Variants in GPRC5B observed in about 807,000 individuals in gnomAD.
GPRC5B encodes G protein-coupled receptor family C group 5 member B.
In GPRC5B, 16 loss-of-function variants were observed where a neutral mutation model predicts 30.1. The ratio of observed to expected loss-of-function variants is 0.53; its 90% CI spans 0.36 to 0.81. The LOEUF (loss-of-function observed/expected upper bound fraction) is 0.81. GPRC5B is among the 30% of genes least tolerant of loss of function. GPRC5B has a pLI of 0.01. For missense variants in GPRC5B, 428 were observed against 544.7 expected, an observed-to-expected ratio of 0.79 and a Z score of 2.13; for synonymous variants, 241 against 239.5, an observed-to-expected ratio of 1.01 and a Z score of -0.06.
chr16:19,872,307 C>A lies in GPRC5B; in HGVS notation c.539G>T (p.Trp180Leu). 6.2e-7 allele frequency: 1 copy of A among 1,614,082 alleles called. No homozygotes were observed. Among genetic ancestry groups the A allele is most frequent in the Non-Finnish European group, 8.5e-7 (1 of 1,180,034 alleles). Residue 180 changes from tryptophan to leucine, a missense_variant, in exon 2 of 4, where the codon TGG becomes TTG. Transcript: ENST00000300571. The surrounding 1 kb of genome is among the most constrained non-coding windows in gnomAD (Gnocchi z 5.0). ...GTCACGCAGCACGGTGAGCACCAGC[C>A]ACTCCACAGCGATGATGACTTGCAC... The part of the protein sequence containing the change: ...MLVQVIIAVE[W>L]LVLTVLRDTR...
intron 1 of GPRC5B, among the ~76,000 whole-genome samples, chr16:19,876,853 A>G (rs2056763346): frequency 6.6e-6 from 1 of 152,190 alleles, no homozygotes; most frequent in Non-Finnish European, 1.5e-5. Flanking sequence ...TGGAAAGAGC[A>G]CCTGATTTTC....
intron 2 of GPRC5B, among the ~76,000 whole-genome samples, chr16:19,868,104 G>A (rs892066923): frequency 6.6e-6 from 1 of 151,876 alleles, no homozygotes; most frequent in Non-Finnish European, 1.5e-5. Context: ...GCTGGGTGCG[G>A]TGGCTCATGC....
rs779281037 is a variant in GPRC5B at position 19,871,798 on chromosome 16, G to A, written c.1030+18C>T. On this transcript the variant is annotated intron_variant, in intron 2 of 3. Transcript: ENST00000300571. The stretch of plus-strand genomic sequence containing the variant: ...AATGGTCCCCCGGCCTGACCCAGCC[G>A]GGTGGTGCCCACTTTACCTGCATTG... 18 of 1,605,272 alleles carry A rather than the reference G, an allele frequency of 1.1e-5. No homozygotes were observed. The highest frequency in any genetic ancestry group is 5.3e-5 in the African/African-American group (4 of 74,794).
intron 2 of GPRC5B, among the ~76,000 whole-genome samples, chr16:19,868,184 G>A (rs1312808431): frequency 6.6e-6 from 1 of 152,088 alleles, no homozygotes; most frequent in Non-Finnish European, 1.5e-5. Context: ...AGACCAGCCT[G>A]ACCAACATGG....
In GPRC5B at chr16:19,857,220, G is replaced by C. The variant is rs2056573024; in HGVS notation, c.*3280C>G. 3.6e-6 allele frequency: 1 copy of C among 275,932 alleles called. No homozygotes were observed. Among genetic ancestry groups the C allele is most frequent in the Non-Finnish European group, 6.9e-6 (1 of 144,102 alleles). The allele number at this position is 275,932 out of a possible 1,614,324, so 17.1% of individuals were successfully genotyped here. ...AGATTCTCCCATTTAAAATGCCACA[G>C]ACCGACCCTCAAGGCAGATCCGAAA... On this transcript the variant is annotated 3_prime_UTR_variant, in exon 4 of 4. Transcript: ENST00000300571.
intron 2 of GPRC5B, among the ~76,000 whole-genome samples, chr16:19,865,061 T>C (rs1302962072): frequency 1.3e-5 from 2 of 151,640 alleles, no homozygotes; most frequent in Admixed American, 6.6e-5. Context: ...CACGCCACCA[T>C]GCCTGGCTTA....
Position 19,860,401 on chromosome 16 carries a change from C to G in GPRC5B, c.*99G>C. The stretch of plus-strand genomic sequence containing the variant: ...TCCAAATTTCCTGGCTGTGAGGCGG[C>G]CTGGTTCGGCAACTGTTACCGATTT... On this transcript the variant is annotated 3_prime_UTR_variant, in exon 4 of 4. Transcript: ENST00000300571. 2 of 750,604 alleles carry G rather than the reference C, an allele frequency of 2.7e-6. No individual in the cohort carries two copies. Among genetic ancestry groups the G allele is most frequent in the Non-Finnish European group, 4.7e-6 (2 of 428,582 alleles). The allele number at this position is 750,604 out of a possible 1,614,324, so 46.5% of individuals were successfully genotyped here.
At chr16:19,879,736 G>T (rs1434422782) in intron 1 of GPRC5B, among the ~76,000 whole-genome samples, 2 of 152,162 alleles carry the variant, frequency 1.3e-5, no homozygotes, top group Non-Finnish European at 2.9e-5. Context: ...GCAAAACAAA[G>T]GTGCTAACAG....
At chr16:19,866,507 T>C (rs1199597687) in intron 2 of GPRC5B, among the ~76,000 whole-genome samples, 1 of 152,076 alleles carries the variant, frequency 6.6e-6, no homozygotes, top group East Asian at 1.9e-4. Flanking sequence ...ACTACAGGCA[T>C]GCACCACCAT....
At chr16:19,865,666 G>A (rs1032968484) in intron 2 of GPRC5B, among the ~76,000 whole-genome samples, 23 of 152,176 alleles carry the variant, frequency 1.5e-4, no homozygotes, top group African/African-American at 4.8e-4. Flanking sequence ...AAAGCCTGAA[G>A]ATGAATGCAT....
At position 19,872,998 on chromosome 16, in the gene GPRC5B, T is replaced by C. The variant is rs1359398406; in HGVS notation, c.-1-152A>G. ...GCACACATAGGAAAACGTGCTCCTT[T>C]CCTCAGGCACGGAGGTTTTGGGACC... On this transcript the variant is annotated intron_variant, in intron 1 of 3. Transcript: ENST00000300571. This position sits in a 1 kb window ranked among gnomAD's most constrained non-coding sequence, Gnocchi z 5.0. Among the ~76,000 whole-genome samples the C allele has an allele frequency of 6.6e-6, 1 of 152,132 alleles. No individual in the cohort carries two copies. Among genetic ancestry groups the C allele is most frequent in the East Asian group, 1.9e-4 (1 of 5,186 alleles).
chr16:19,863,701 C>A (rs1020583536), intron 2 of GPRC5B, among the ~76,000 whole-genome samples: 2 of 151,904 alleles, frequency 1.3e-5, no homozygotes, highest in East Asian at 3.9e-4. Flanking sequence ...CAGGGTTTCA[C>A]CATGTTGGCC....
intron 2 of GPRC5B, among the ~76,000 whole-genome samples, chr16:19,867,041 C>G (rs905480773): frequency 1.3e-5 from 2 of 152,220 alleles, no homozygotes; most frequent in Non-Finnish European, 2.9e-5. Context: ...AACTTTTTCC[C>G]TTCCTGCTCT....
At position 19,857,217 on chromosome 16, in the gene GPRC5B, A is replaced by G. The variant is rs768322771; in HGVS notation, c.*3283T>C. The G allele has an allele frequency of 3.7e-6, 1 of 272,128 alleles. No homozygotes were observed. The highest frequency in any genetic ancestry group is 3.6e-5 in the South Asian group (1 of 27,826). 16.9% of individuals were successfully genotyped at this position (272,128 alleles called of 1,614,324 possible). A position where few individuals can be genotyped will look rare whatever the true frequency, so the allele number is the denominator to read the frequency against. The stretch of plus-strand genomic sequence containing the variant: ...CCAAGATTCTCCCATTTAAAATGCC[A>G]CAGACCGACCCTCAAGGCAGATCCG... On this transcript the variant is annotated 3_prime_UTR_variant, in exon 4 of 4. Coordinates refer to ENST00000300571, the MANE Select transcript of GPRC5B (RefSeq NM_016235.3).
At chr16:19,871,095 G>A (rs2056713652) in intron 2 of GPRC5B, among the ~76,000 whole-genome samples, 2 of 151,502 alleles carry the variant, frequency 1.3e-5, no homozygotes. Flanking sequence ...ACCTGCCTGG[G>A]CCACATAATG....
chr16:19,878,228 A>AAACAAAC (rs1567211735), intron 1 of GPRC5B, among the ~76,000 whole-genome samples: 3,128 of 131,470 alleles, frequency 0.024, 66 homozygotes, highest in Non-Finnish European at 0.031. Context: ...AACAAACAAA[A>AAACAAAC]AAACCCAAAG....
chr16:19,867,898 A>C (rs1175450249), intron 2 of GPRC5B, among the ~76,000 whole-genome samples: 1 of 151,870 alleles, frequency 6.6e-6, no homozygotes, highest in Non-Finnish European at 1.5e-5. Flanking sequence ...AAAAATACAA[A>C]AATTAGCCGG....
intron 1 of GPRC5B, among the ~76,000 whole-genome samples, chr16:19,882,986 G>A (rs78836033): frequency 0.016 from 2,485 of 152,138 alleles, 32 homozygotes; most frequent in Middle Eastern, 0.024. Context: ...TGTCACTCCC[G>A]GAACAGTCAT....
At chr16:19,862,286 C>T in intron 2 of GPRC5B, 1 of 334,810 alleles carries the variant, frequency 3.0e-6, no homozygotes, top group Non-Finnish European at 5.6e-6. Flanking sequence ...CAGGCGCCTT[C>T]TCACTACAGA....
Sources: gnomAD v4.1 joint callset for allele counts (sites outside exome capture counted in the v4.1 genomes callset) on GRCh38, gnomAD v4.1.1 for gene constraint, Gnocchi (gnomAD v3.1) non-coding constraint, MANE v1.5 for transcripts, NCBI Gene and HGNC (gene_info 2026-07-23, HGNC 2026-07-21) for gene names.